Variants in DPP7 observed in about 807,000 individuals in gnomAD.
DPP7 encodes the protein dipeptidyl peptidase 7.
In DPP7, 74 loss-of-function variants were observed where a neutral mutation model predicts 58.8. The ratio of observed to expected loss-of-function variants is 1.26; its 90% CI spans 1.04 to 1.53. The LOEUF (loss-of-function observed/expected upper bound fraction) is 1.53. Among genes scored for constraint, DPP7 ranks in the 40% most tolerant of loss-of-function variants. The pLI, the probability that DPP7 is intolerant of heterozygous loss-of-function variation, is 0.00. For missense variants in DPP7, 807 were observed against 692.3 expected, an observed-to-expected ratio of 1.17 and a Z score of -1.86; for synonymous variants, 350 against 303.6, an observed-to-expected ratio of 1.15 and a Z score of -1.59.
Position 137,110,908 on chromosome 9 carries a change from G to C in DPP7, c.1315C>G (p.Gln439Glu), listed in dbSNP as rs757434445. The C allele has an allele frequency of 2.5e-6, 4 of 1,612,900 alleles. No individual in the cohort carries two copies. Among genetic ancestry groups the C allele is most frequent in the Non-Finnish European group, 3.4e-6 (4 of 1,179,924 alleles). Reference protein sequence around the residue: ...LSASVIAVTIQGGAHHLDLRA... With the variant: ...LSASVIAVTIEGGAHHLDLRA... ...AGGTCGAGGTGGTGCGCTCCCCCCTGGATGGTGACGGCGATGACTGAGGCA... is the reference window on the plus strand; with the variant it reads ...AGGTCGAGGTGGTGCGCTCCCCCCTCGATGGTGACGGCGATGACTGAGGCA... The change falls in exon 12 of 13, where the codon CAG becomes GAG. Residue 439 changes from glutamine to glutamate, a missense_variant. Gln to Glu is a conservative substitution (Grantham distance 29, BLOSUM62 2). Transcript: ENST00000371579.
chr9:137,111,075 G>T (rs1831339730), intron 11 of DPP7, 125 bp from the exon 12 acceptor site: 3 of 939,926 alleles, frequency 3.2e-6, no homozygotes, highest in South Asian at 1.5e-5. Flanking sequence ...CAACCAGAGA[G>T]AACCAGCCAG....
In DPP7 at chr9:137,113,049, G is replaced by T; in HGVS notation, c.774C>A (p.Leu258=). The change falls in exon 7 of 13, where the codon CTC becomes CTA. Residue 258 remains leucine, a synonymous_variant. Coordinates refer to ENST00000371579, the MANE Select transcript of DPP7 (RefSeq NM_013379.3). ...PLSDEKDLTQ[L]FMFARNAFTV... is the part of the protein sequence containing the mutation. Reference sequence around the variant, plus strand: ...TGAAGGCATTCCGGGCGAACATGAAGAGCTGGGTCAGGTCCTTCTCGTCTG... The same window carrying T: ...TGAAGGCATTCCGGGCGAACATGAATAGCTGGGTCAGGTCCTTCTCGTCTG... 5.6e-6 allele frequency: 9 copies of T among 1,613,906 alleles called. No homozygotes were observed. Among genetic ancestry groups the T allele is most frequent in the Non-Finnish European group, 7.6e-6 (9 of 1,180,030 alleles).
At chr9:137,118,238 T>C (rs1418094432), upstream of DPP7, among the ~76,000 whole-genome samples, 1 of 151,354 alleles carries the variant, frequency 6.6e-6, no homozygotes, top group Non-Finnish European at 1.5e-5. Context: ...TCTGTCAGCC[T>C]CAGCCTCCCA....
At position 137,114,469 on chromosome 9, in the gene DPP7, C is replaced by G. The variant is rs751830416; in HGVS notation, c.175G>C (p.Val59Leu). The change falls in exon 2 of 13, where the codon GTG becomes CTG. Residue 59 changes from valine to leucine, a missense_variant. By Grantham distance (32) the Val-to-Leu change is conservative. Coordinates refer to ENST00000371579, the MANE Select transcript of DPP7 (RefSeq NM_013379.3). ...GCCGGGGCCGGGGTCTCACCCGACA[C>G]CAGGAAGCGCTGAGGGAAGGTCTTG... is the stretch of plus-strand genomic sequence containing the variant. ...GNKTFPQRFL[V>L]SDRFWVRGEG... 9 of 1,570,270 alleles carry G rather than the reference C, an allele frequency of 5.7e-6. No homozygotes were observed. The highest frequency in any genetic ancestry group is 1.2e-5 in the South Asian group (1 of 86,366).
At position 137,112,198 on chromosome 9, in the gene DPP7, A is replaced by AG. The variant is rs1831406432; in HGVS notation, c.963dup (p.Cys322LeufsTer13). 3.1e-6 allele frequency: 5 copies of AG among 1,604,678 alleles called. No individual in the cohort carries two copies. Among genetic ancestry groups the AG allele is most frequent in the Non-Finnish European group, 4.2e-6 (5 of 1,179,596 alleles). On this transcript the variant is annotated frameshift_variant, in exon 9 of 13. Coordinates refer to ENST00000371579, the MANE Select transcript of DPP7 (RefSeq NM_013379.3). LOFTEE classifies it high-confidence loss of function. ...TGGTAGAGCCGGTAGATGTCGTAGC[A>AG]GTGCTCGGAGCCCGAGGCGTTGTAG...
At chr9:137,116,767 GGAATGTCTCCGTGTAAAACCC>G (rs370804601), upstream of DPP7, among the ~76,000 whole-genome samples, 24 of 152,364 alleles carry the variant, frequency 1.6e-4, no homozygotes, top group African/African-American at 3.6e-4. Context: ...CCCTGGGAAC[GGAATGTCTCCGTGTAAAACCC>G]GATCGTACAT....
At chr9:137,112,509 CTT>C (rs1351417484) in intron 8 of DPP7, 1 of 650,556 alleles carries the variant, frequency 1.5e-6, no homozygotes, top group Non-Finnish European at 2.6e-6. Flanking sequence ...CCAGGGGCCC[CTT>C]GGGCAGCACC....
At chr9:137,115,105 G>C (rs1831589738), upstream of DPP7, 2 of 175,416 alleles carry the variant, frequency 1.1e-5, no homozygotes, top group African/African-American at 4.7e-5. Context: ...GCTGCCCTAA[G>C]GGCGGGAGGG....
intron 3 of DPP7, 53 bp from the exon 4 acceptor site, chr9:137,114,081 T>G: frequency 8.5e-7 from 1 of 1,173,836 alleles, no homozygotes; most frequent in Non-Finnish European, 1.1e-6. Context: ...GGCACCCGCG[T>G]GCCCCGCGAC....
chr9:137,112,778 CCTCA>C lies in DPP7; in HGVS notation c.894_897del (p.Ser298ArgfsTer59), dbSNP rs760821896. ...GCTCGCAGCCCCGTGATCCTCTGGGCCTCACTCAGCAGCCGATCACAGCCCACCT... is the reference window on the plus strand; with the variant it reads ...GCTCGCAGCCCCGTGATCCTCTGGGCCTCAGCAGCCGATCACAGCCCACCT... On this transcript the variant is annotated frameshift_variant, in exon 8 of 13. Coordinates refer to ENST00000371579, the MANE Select transcript of DPP7 (RefSeq NM_013379.3). LOFTEE classifies it high-confidence loss of function. 11 of 1,609,260 alleles carry C rather than the reference CCTCA, an allele frequency of 6.8e-6. No homozygotes were observed. Among genetic ancestry groups the C allele is most frequent in the Non-Finnish European group, 9.3e-6 (11 of 1,179,380 alleles).
intron 4 of DPP7, 184 bp downstream of exon 4, chr9:137,113,681 G>C (rs1204592991): frequency 7.0e-7 from 1 of 1,425,534 alleles, no homozygotes. Flanking sequence ...CATCCAAGCT[G>C]AGCAGGTGGC....
intron 12 of DPP7, 32 bp from the exon 13 acceptor site, chr9:137,110,815 C>G (rs1271961618): frequency 6.2e-7 from 1 of 1,601,572 alleles, no homozygotes; most frequent in South Asian, 1.1e-5. Flanking sequence ...GGCCCGTCAG[C>G]CCCAGCCCTC....
At chr9:137,111,541 A>G in intron 11 of DPP7, 149 bp downstream of exon 11, 1 of 821,372 alleles carries the variant, frequency 1.2e-6, no homozygotes, top group South Asian at 1.7e-5. Context: ...CTGTAGTCCC[A>G]GTTACTGGGA....
intron 11 of DPP7, 29 bp downstream of exon 11, chr9:137,111,661 G>A (rs750670108): frequency 2.9e-5 from 47 of 1,601,084 alleles, no homozygotes; most frequent in South Asian, 6.7e-5. Flanking sequence ...ACAAACTAAC[G>A]GGGTCATAGG....
At chr9:137,114,737 A>G, upstream of DPP7, 2 of 1,263,614 alleles carry the variant, frequency 1.6e-6, no homozygotes, top group African/African-American at 1.6e-5. Context: ...GGCGCCCGTC[A>G]CGTGGGCGGG....
chr9:137,116,683 G>A (rs1831648946), upstream of DPP7, among the ~76,000 whole-genome samples: 2 of 152,240 alleles, frequency 1.3e-5, no homozygotes, highest in South Asian at 2.1e-4. Context: ...AAGGGTCTGT[G>A]CTGAGGAGGA....
intron 8 of DPP7, 45 bp downstream of exon 8, chr9:137,112,700 C>T: frequency 1.3e-6 from 2 of 1,569,098 alleles, no homozygotes; most frequent in Non-Finnish European, 1.7e-6. Context: ...CCAAGCCAAG[C>T]CTGGGGTCTC....
chr9:137,113,001 G>T lies in DPP7; in HGVS notation c.822C>A (p.Tyr274Ter), dbSNP rs759225356. Residue 274 changes from tyrosine to a stop codon, truncating the protein, a stop_gained, in exon 7 of 13, where the codon TAC (tyrosine) becomes TAA (stop). Coordinates refer to ENST00000371579, the MANE Select transcript of DPP7 (RefSeq NM_013379.3). LOFTEE classifies it high-confidence loss of function. ...GACCCAGGAAGTCAGTGGGGTAGGG[G>T]TAGTCCATCATGGCCAGCACGGTGA... is the stretch of plus-strand genomic sequence containing the variant. ...NAFTVLAMMD[Y>*]PYPTDFLGPL... 6.2e-7 allele frequency: 1 copy of T among 1,613,744 alleles called. No homozygotes were observed. The highest frequency in any genetic ancestry group is 1.1e-5 in the South Asian group (1 of 91,090).
At chr9:137,114,178 G>GGCACCCGCGTGC (rs1831527101) in intron 3 of DPP7, 65 bp downstream of exon 3, 2 of 341,654 alleles carry the variant, frequency 5.9e-6, no homozygotes, top group Non-Finnish European at 7.3e-6. Flanking sequence ...CGCGACCCCC[G>GGCACCCGCGTGC]CCCGCGACCC....
Sources: allele counts gnomAD v4.1 joint callset (sites outside exome capture counted in the v4.1 genomes callset), GRCh38; gene constraint gnomAD v4.1.1; transcripts MANE v1.5; gene names NCBI Gene and HGNC (gene_info 2026-07-23, HGNC 2026-07-21).